Variants in RAPGEF5 observed in about 807,000 individuals in gnomAD.
RAPGEF5 encodes Rap guanine nucleotide exchange factor 5.
In RAPGEF5, 65 loss-of-function variants were observed where a neutral mutation model predicts 125.2. That is an observed-to-expected ratio of 0.52 (90% CI 0.43 to 0.64). The LOEUF is 0.64. Ranked by LOEUF, RAPGEF5 falls within the 30% of genes least tolerant of loss-of-function variation. RAPGEF5 has a pLI of 0.00. For missense variants in RAPGEF5, 958 were observed against 1,048.1 expected, an observed-to-expected ratio of 0.91 and a Z score of 1.19; for synonymous variants, 391 against 385.9, an observed-to-expected ratio of 1.01 and a Z score of -0.16.
chr7:22,154,308 T>C (rs1316775831), intron 17 of RAPGEF5, 147 bp downstream of exon 17: 7 of 908,308 alleles, frequency 7.7e-6, no homozygotes, highest in African/African-American at 1.7e-5. Flanking sequence ...GAAACACTTC[T>C]GGTAGGCAGC....
At chr7:22,175,593 T>C (rs530779085) in intron 11 of RAPGEF5, among the ~76,000 whole-genome samples, 221 of 152,344 alleles carry the variant, frequency 1.5e-3, no homozygotes, top group Non-Finnish European at 2.3e-3. Flanking sequence ...TATCCAGCTC[T>C]AAGATTCACT....
At position 22,310,102 on chromosome 7, in the gene RAPGEF5, C is replaced by G. The variant is rs764469443; in HGVS notation, c.390-12G>C. ...CAACGCAGCTCCTCCTGAACAAAAG[C>G]AAAGCCATTCACAGTAAGATATTGC... On this transcript the variant is annotated splice_polypyrimidine_tract_variant and intron_variant, in intron 3 of 25. Coordinates refer to ENST00000665637, the MANE Select transcript of RAPGEF5 (RefSeq NM_012294.5). 7 of 1,536,464 alleles carry G rather than the reference C, an allele frequency of 4.6e-6. No homozygotes were observed. Among genetic ancestry groups the G allele is most frequent in the Non-Finnish European group, 6.1e-6 (7 of 1,148,234 alleles).
intron 9 of RAPGEF5, among the ~76,000 whole-genome samples, chr7:22,195,688 G>C (rs1785131983): frequency 6.6e-6 from 1 of 151,940 alleles, no homozygotes; most frequent in African/African-American, 2.4e-5. Flanking sequence ...AGTGAAATAA[G>C]GTGGCTGGAG....
chr7:22,236,332 C>T (rs1786187873), intron 7 of RAPGEF5, among the ~76,000 whole-genome samples: 1 of 152,170 alleles, frequency 6.6e-6, no homozygotes, highest in South Asian at 2.1e-4. Context: ...TCCAGGCCCA[C>T]ATTTCCAGTC....
chr7:22,235,193 T>G (rs1786158142), intron 7 of RAPGEF5, among the ~76,000 whole-genome samples: 1 of 152,204 alleles, frequency 6.6e-6, no homozygotes, highest in African/African-American at 2.4e-5. Flanking sequence ...GTTTTGTCAG[T>G]AATATAATCT....
chr7:22,236,282 A>G lies in RAPGEF5; in HGVS notation c.797-5363T>C, dbSNP rs190695905. Among the ~76,000 whole-genome samples the G allele has an allele frequency of 5.3e-4, 80 of 152,214 alleles. 1 individual carries two copies. The highest frequency in any genetic ancestry group is 4.1e-3 in the Admixed American group (62 of 15,284). On this transcript the variant is annotated intron_variant, in intron 7 of 25. Transcript: ENST00000665637. The stretch of plus-strand genomic sequence containing the variant: ...TTCAACTTTCACTGCAATACAGTTT[A>G]TTCTCAAATCTGTCTCCATTTCTGC...
intron 6 of RAPGEF5, among the ~76,000 whole-genome samples, chr7:22,273,104 T>G (rs1398791806): frequency 6.6e-6 from 1 of 152,012 alleles, no homozygotes; most frequent in Non-Finnish European, 1.5e-5. Flanking sequence ...AACAGATAGT[T>G]ATTTCCCCAA....
At chr7:22,185,344 C>A (rs1275998007) in intron 11 of RAPGEF5, among the ~76,000 whole-genome samples, 1 of 152,148 alleles carries the variant, frequency 6.6e-6, no homozygotes, top group African/African-American at 2.4e-5. Flanking sequence ...ATCTTTGAAC[C>A]TGGTTCTCAT....
rs1376287519 is a variant in RAPGEF5 at position 22,255,344 on chromosome 7, T to A, written c.796+11620A>T. On this transcript the variant is annotated intron_variant, in intron 7 of 25. Coordinates refer to ENST00000665637, the MANE Select transcript of RAPGEF5 (RefSeq NM_012294.5). ...TGGCTCACATCTGTAATCCCAGCAC[T>A]TTGAGAGGTCAAGGCGGGAGGACTG... Among the ~76,000 whole-genome samples the A allele has an allele frequency of 2.0e-5, 3 of 152,140 alleles. No homozygotes were observed. The East Asian group carries it at 5.8e-4, about 29-fold the overall frequency.
At chr7:22,345,192 C>T (rs1041392272) in intron 1 of RAPGEF5, among the ~76,000 whole-genome samples, 1 of 152,242 alleles carries the variant, frequency 6.6e-6, no homozygotes, top group African/African-American at 2.4e-5. Context: ...TTCTCAGAGA[C>T]CCTGGACTGA....
Position 22,188,421 on chromosome 7 carries a change from A to C in RAPGEF5, c.1204+4946T>G, listed in dbSNP as rs1036608438. Among the ~76,000 whole-genome samples the C allele has an allele frequency of 9.2e-5, 14 of 152,284 alleles. No homozygotes were observed. In the South Asian group the frequency reaches 2.9e-3, roughly 32 times the overall value. ...GGAGACAAGATTAAAAAGTTAATAG[A>C]AAATGAGGTGCCTGCCCTCACTTTA... On this transcript the variant is annotated intron_variant, in intron 11 of 25. Coordinates refer to ENST00000665637, the MANE Select transcript of RAPGEF5 (RefSeq NM_012294.5).
chr7:22,273,200 C>G (rs1782477959), intron 6 of RAPGEF5, among the ~76,000 whole-genome samples: 1 of 149,698 alleles, frequency 6.7e-6, no homozygotes, highest in Admixed American at 6.7e-5. Flanking sequence ...TGTTTCAAGG[C>G]ACTTAGGAGT....
rs1223226223 is a variant in RAPGEF5 at position 22,170,326 on chromosome 7, A to G, written c.1205-3178T>C. On this transcript the variant is annotated intron_variant, in intron 11 of 25. Coordinates refer to ENST00000665637, the MANE Select transcript of RAPGEF5 (RefSeq NM_012294.5). The stretch of plus-strand genomic sequence containing the variant: ...AGCCTTGGCCTCCCAAAGTGCTGGG[A>G]TTACGGGCGTGAGCCACTGAGCCTG... Among the ~76,000 whole-genome samples, 4 of 152,198 alleles carry G rather than the reference A, an allele frequency of 2.6e-5. No homozygotes were observed. In the East Asian group the frequency reaches 7.7e-4, roughly 29 times the overall value.
Position 22,337,506 on chromosome 7 carries a change from C to T in RAPGEF5, c.231+19324G>A, listed in dbSNP as rs549665209. On this transcript the variant is annotated intron_variant, in intron 1 of 25. Transcript: ENST00000665637. Reference sequence around the variant, plus strand: ...CTACATCTTAGCAGAATTCAGGACCCCCTCATAATCCTAAACTTGTGGCCT... The same window carrying T: ...CTACATCTTAGCAGAATTCAGGACCTCCTCATAATCCTAAACTTGTGGCCT... Among the ~76,000 whole-genome samples, 42 of 152,246 alleles carry T rather than the reference C, an allele frequency of 2.8e-4. 1 individual carries two copies. In the South Asian group the frequency reaches 8.3e-3, roughly 30 times the overall value.
intron 6 of RAPGEF5, among the ~76,000 whole-genome samples, chr7:22,286,608 T>C (rs1216577026): frequency 1.3e-5 from 2 of 152,220 alleles, no homozygotes; most frequent in African/African-American, 4.8e-5. Context: ...ATTTCCTGTC[T>C]TTGGATGCTT....
chr7:22,295,738 C>T (rs1321836402), intron 5 of RAPGEF5, among the ~76,000 whole-genome samples: 1 of 151,904 alleles, frequency 6.6e-6, no homozygotes, highest in Non-Finnish European at 1.5e-5. Flanking sequence ...ATGCCAAGTT[C>T]CATCACAAAA....
intron 1 of RAPGEF5, among the ~76,000 whole-genome samples, chr7:22,330,344 T>C (rs1398989440): frequency 6.6e-6 from 1 of 152,222 alleles, no homozygotes; most frequent in Non-Finnish European, 1.5e-5. Flanking sequence ...CTGCCCATCC[T>C]GAAGAGATGT....
chr7:22,266,730 T>C (rs1782291278), intron 7 of RAPGEF5, among the ~76,000 whole-genome samples: 1 of 152,218 alleles, frequency 6.6e-6, no homozygotes, highest in Non-Finnish European at 1.5e-5. Flanking sequence ...TCATTTTTTC[T>C]TGAAATCAAA....
chr7:22,317,888 TG>T, intron 2 of RAPGEF5, 98 bp downstream of exon 2: 1 of 1,479,990 alleles, frequency 6.8e-7, no homozygotes. Context: ...AAACTCTATG[TG>T]GTCAGGAGCA....
Sources: gnomAD v4.1 joint callset for allele counts (sites outside exome capture counted in the v4.1 genomes callset) on GRCh38, gnomAD v4.1.1 for gene constraint, MANE v1.5 for transcripts, NCBI Gene and HGNC (gene_info 2026-07-23, HGNC 2026-07-21) for gene names.